IAPP: variants seen among roughly 807,000 people sequenced by gnomAD.
The protein encoded by IAPP is islet amyloid polypeptide.
IAPP carries 4 observed loss-of-function variants against 2.9 expected under a neutral mutation model. That is an observed-to-expected ratio of 1.39 (90% CI 0.69 to 3.19). The LOEUF is 3.19. IAPP is among the 30% of genes most tolerant of loss of function. The pLI, the probability that IAPP is intolerant of heterozygous loss-of-function variation, is 0.01. For synonymous variants in IAPP, 40 were observed against 42.1 expected, an observed-to-expected ratio of 0.95 and a Z score of 0.19; for missense variants, 114 against 105.3, an observed-to-expected ratio of 1.08 and a Z score of -0.36.
chr12:21,376,325 G>T, intron 2 of IAPP: 1 of 360,632 alleles, frequency 2.8e-6, no homozygotes, highest in African/African-American at 2.1e-5. Context: ...TTTTTGAGAT[G>T]TTTGGACCAA....
At chr12:21,375,881 T>C (rs1403850151) in intron 2 of IAPP, among the ~76,000 whole-genome samples, 1 of 152,238 alleles carries the variant, frequency 6.6e-6, no homozygotes, top group African/African-American at 2.4e-5. Context: ...CTAGCTCGTA[T>C]GTTACCTGTC....
chr12:21,378,682 T>C lies in IAPP; in HGVS notation c.*256T>C, dbSNP rs1940387119. ...AACATAAGAACGTCATTTTGGGACC[T>C]ATATCTCAGTGGCACAGGTTTAAGA... On this transcript the variant is annotated 3_prime_UTR_variant, in exon 3 of 3. Coordinates refer to ENST00000240652, the MANE Select transcript of IAPP (RefSeq NM_000415.3). 6 of 401,642 alleles carry C rather than the reference T, an allele frequency of 1.5e-5. No homozygotes were observed. Among genetic ancestry groups the C allele is most frequent in the Non-Finnish European group, 2.3e-5 (5 of 221,164 alleles). The allele number at this position is 401,642 out of a possible 1,614,324, so 24.9% of individuals were successfully genotyped here.
intron 2 of IAPP, chr12:21,374,520 C>G (rs982243971): frequency 5.3e-5 from 8 of 152,184 alleles, no homozygotes; most frequent in African/African-American, 1.9e-4. Context: ...AAGATTTCTA[C>G]AGCACCTACG....
rs528812972 is a variant in IAPP at position 21,355,153 on chromosome 12, GT to G, written c.-16+141del. The G allele has an allele frequency of 8.6e-5, 13 of 151,988 alleles. No individual in the cohort carries two copies. The East Asian group carries it at 2.5e-3, about 29-fold the overall frequency. 9.4% of individuals were successfully genotyped at this position (151,988 alleles called of 1,614,324 possible). ...GTATATTATTTTATTATAATTTCCC[GT>G]GTTGGCAATTTTAAGAAGACCAGAG... On this transcript the variant is annotated intron_variant, in intron 1 of 2. Coordinates refer to the IAPP transcript ENST00000539393.
chr12:21,356,618 C>A (rs1938388406), intron 1 of IAPP, among the ~76,000 whole-genome samples: 1 of 152,016 alleles, frequency 6.6e-6, no homozygotes, highest in African/African-American at 2.4e-5. Flanking sequence ...TTTAAATATA[C>A]TAAAGGGAAC....
chr12:21,378,435 G>GT lies in IAPP; in HGVS notation c.*10dup. 1.3e-6 allele frequency: 2 copies of GT among 1,596,226 alleles called. No individual in the cohort carries two copies. Among genetic ancestry groups the GT allele is most frequent in the Non-Finnish European group, 1.7e-6 (2 of 1,163,608 alleles). On this transcript the variant is annotated 3_prime_UTR_variant, in exon 3 of 3. Coordinates refer to ENST00000240652, the MANE Select transcript of IAPP (RefSeq NM_000415.3). ...ATTACTTGCCCCTTTAGAGGACAAT[G>GT]TAACTCTATAGTTATTGTTTTATGT... is the stretch of plus-strand genomic sequence containing the variant.
upstream of IAPP, among the ~76,000 whole-genome samples, chr12:21,367,993 A>T (rs1939515030): frequency 6.6e-6 from 1 of 152,170 alleles, no homozygotes; most frequent in Admixed American, 6.5e-5. Context: ...TTAGACTAGC[A>T]CTATTTTTCA....
intron 1 of IAPP, among the ~76,000 whole-genome samples, chr12:21,364,838 AG>A (rs1340392557): frequency 2.0e-5 from 3 of 152,194 alleles, no homozygotes; most frequent in Non-Finnish European, 4.4e-5. Context: ...CCAACTTACA[AG>A]GGATGTGAAG....
intron 1 of IAPP, among the ~76,000 whole-genome samples, chr12:21,362,529 G>A (rs1016131826): frequency 6.6e-6 from 1 of 152,132 alleles, no homozygotes; most frequent in Admixed American, 6.5e-5. Flanking sequence ...ATAATGACAG[G>A]ATAAAATTCA....
chr12:21,364,906 C>G (rs77637403), intron 1 of IAPP, among the ~76,000 whole-genome samples: 49,244 of 151,998 alleles, frequency 0.32, 8,292 homozygotes, highest in East Asian at 0.46. Flanking sequence ...AGGACACAAA[C>G]AAATGGAAGA....
At chr12:21,367,911 T>A (rs1939510266), upstream of IAPP, among the ~76,000 whole-genome samples, 1 of 152,112 alleles carries the variant, frequency 6.6e-6, no homozygotes, top group Non-Finnish European at 1.5e-5. Context: ...CTCAAGGTAA[T>A]CAAATAGTTA....
intron 1 of IAPP, among the ~76,000 whole-genome samples, chr12:21,367,108 G>A (rs976505089): frequency 6.6e-6 from 1 of 152,002 alleles, no homozygotes; most frequent in African/African-American, 2.4e-5. Context: ...CTACAGAGAG[G>A]TTTTAAACAA....
At chr12:21,373,804 A>G (rs12306305) in intron 2 of IAPP, 16,041 of 637,588 alleles carry the variant, frequency 0.025, 820 homozygotes, top group African/African-American at 0.16. Flanking sequence ...ATATATTTTT[A>G]TACCAAGTGG....
chr12:21,373,784 TAACTA>T (rs1939982085), intron 2 of IAPP: 3 of 669,312 alleles, frequency 4.5e-6, no homozygotes, highest in Middle Eastern at 2.4e-4. Context: ...CAGAGAAACT[TAACTA>T]AAGCATATAT....
chr12:21,374,366 A>G (rs1337559128), intron 2 of IAPP: 1 of 151,954 alleles, frequency 6.6e-6, no homozygotes, highest in African/African-American at 2.4e-5. Flanking sequence ...CTGAACTTAC[A>G]CACTCTTTAA....
chr12:21,357,917 G>A (rs563326282), intron 1 of IAPP, among the ~76,000 whole-genome samples: 2 of 152,198 alleles, frequency 1.3e-5, no homozygotes, highest in African/African-American at 4.8e-5. Flanking sequence ...ATTAAATACC[G>A]AATTCTCCAT....
chr12:21,362,952 A>T (rs1054766243), intron 1 of IAPP, among the ~76,000 whole-genome samples: 1 of 152,156 alleles, frequency 6.6e-6, no homozygotes, highest in African/African-American at 2.4e-5. Context: ...AATGGGAGAC[A>T]TTAACACCCC....
At chr12:21,361,355 A>G (rs1207331739) in intron 1 of IAPP, among the ~76,000 whole-genome samples, 1 of 152,162 alleles carries the variant, frequency 6.6e-6, no homozygotes, top group East Asian at 1.9e-4. Context: ...AACAAACAGA[A>G]AGGACATCCA....
chr12:21,356,415 C>T (rs1938366380), intron 1 of IAPP, among the ~76,000 whole-genome samples: 1 of 151,396 alleles, frequency 6.6e-6, no homozygotes, highest in South Asian at 2.1e-4. Context: ...CTGTGTATGA[C>T]AGGGACACAC....
Sources: allele counts gnomAD v4.1 joint callset (sites outside exome capture counted in the v4.1 genomes callset), GRCh38; gene constraint gnomAD v4.1.1; transcripts MANE v1.5; gene names NCBI Gene and HGNC (gene_info 2026-07-23, HGNC 2026-07-21).